The following GRIP2 variants were observed in gnomAD, a reference collection of about 807,000 sequenced individuals.
The protein encoded by GRIP2 is glutamate receptor interacting protein 2.
In GRIP2, 58 loss-of-function variants were observed where a neutral mutation model predicts 108.3. That is an observed-to-expected ratio of 0.54 (90% CI 0.43 to 0.67). The LOEUF is 0.67. Among genes scored for constraint, GRIP2 ranks in the 30% least tolerant of loss-of-function variants. GRIP2 has a pLI of 0.00. For missense variants in GRIP2, 1,278 were observed against 1,430.6 expected, an observed-to-expected ratio of 0.89 and a Z score of 1.72; for synonymous variants, 586 against 598.2, an observed-to-expected ratio of 0.98 and a Z score of 0.30.
At chr3:14,526,495 A>G (rs910144717) in intron 1 of GRIP2, among the ~76,000 whole-genome samples, 11 of 152,190 alleles carry the variant, frequency 7.2e-5, no homozygotes, top group African/African-American at 2.2e-4. Context: ...TGCACTTTAC[A>G]GTTTATGAAT....
At chr3:14,527,254 A>AGGGAG (rs1431423080) in intron 1 of GRIP2, among the ~76,000 whole-genome samples, 2 of 151,722 alleles carry the variant, frequency 1.3e-5, no homozygotes, top group Non-Finnish European at 2.9e-5. Flanking sequence ...AAGAAAGGGA[A>AGGGAG]GGGAAGGGAA....
chr3:14,594,786 T>A, the GRIP2 span, among the ~76,000 whole-genome samples: 1 of 152,222 alleles, frequency 6.6e-6, no homozygotes, highest in Non-Finnish European at 1.5e-5. Context: ...AGTTTCCTCA[T>A]CTGAAAAGTG....
At chr3:14,581,776 G>T in the GRIP2 span, among the ~76,000 whole-genome samples, 1 of 152,172 alleles carries the variant, frequency 6.6e-6, no homozygotes, top group Non-Finnish European at 1.5e-5. Context: ...GGTCTCTTTC[G>T]CACTTGGGCA....
At chr3:14,547,019 T>C (rs147701016), upstream of GRIP2, among the ~76,000 whole-genome samples, 2 of 152,230 alleles carry the variant, frequency 1.3e-5, no homozygotes, top group African/African-American at 4.8e-5. Context: ...CTTGAGAATG[T>C]TGGTAAAGGT....
Position 14,496,568 on chromosome 3 carries a change from G to A in GRIP2, c.2680-8C>T, listed in dbSNP as rs772168159. 6.3e-7 allele frequency: 1 copy of A among 1,591,014 alleles called. No individual in the cohort carries two copies. Among genetic ancestry groups the A allele is most frequent in the East Asian group, 2.3e-5 (1 of 44,352 alleles). ...GCCCGTCATGATGGATGCCTGCAAG[G>A]AACACGGCCTTTCTTTCAGATGCTT... On this transcript the variant is annotated splice_region_variant and splice_polypyrimidine_tract_variant and intron_variant, in intron 21 of 23. Coordinates refer to ENST00000621039, the MANE Select transcript of GRIP2 (RefSeq NM_001080423.4).
At chr3:14,586,434 G>A in the GRIP2 span, among the ~76,000 whole-genome samples, 2 of 152,232 alleles carry the variant, frequency 1.3e-5, no homozygotes, top group Non-Finnish European at 2.9e-5. Flanking sequence ...TGCAGGGCTG[G>A]GTGCCAGGGC....
At chr3:14,508,371 G>A (rs1485481796) in intron 17 of GRIP2, among the ~76,000 whole-genome samples, 4 of 152,236 alleles carry the variant, frequency 2.6e-5, no homozygotes, top group East Asian at 1.9e-4. Flanking sequence ...AGTACCTGTG[G>A]GGATGGGGCA....
chr3:14,518,323 C>T (rs1345974350), intron 9 of GRIP2, among the ~76,000 whole-genome samples: 1 of 152,218 alleles, frequency 6.6e-6, no homozygotes, highest in African/African-American at 2.4e-5. Context: ...GCAGCCCAGG[C>T]AGCCTCGGCC....
At chr3:14,602,741 G>A in the GRIP2 span, among the ~76,000 whole-genome samples, 1 of 151,880 alleles carries the variant, frequency 6.6e-6, no homozygotes, top group Admixed American at 6.5e-5. The surrounding 1 kb of genome is among the most constrained non-coding windows in gnomAD (Gnocchi z 4.7). Flanking sequence ...GTCCTGAGGT[G>A]ATCCTCCAGG....
chr3:14,540,597 G>A (rs530603987), upstream of GRIP2, among the ~76,000 whole-genome samples: 13 of 152,246 alleles, frequency 8.5e-5, no homozygotes, highest in East Asian at 2.3e-3. This position sits in a 1 kb window ranked among gnomAD's most constrained non-coding sequence, Gnocchi z 4.1. Flanking sequence ...CTCAGGCAGA[G>A]AGAGAGCCTG....
At chr3:14,549,080 G>C (rs1695102287) in intron 1 of GRIP2, among the ~76,000 whole-genome samples, 1 of 152,188 alleles carries the variant, frequency 6.6e-6, no homozygotes, top group Admixed American at 6.5e-5. Flanking sequence ...CTTGCTCACT[G>C]ATTTCAACCC....
chr3:14,528,930 G>A (rs995162869), intron 1 of GRIP2, among the ~76,000 whole-genome samples: 2 of 152,042 alleles, frequency 1.3e-5, no homozygotes. Flanking sequence ...GTAATAATGT[G>A]TGCTTTGAAA....
the GRIP2 span, among the ~76,000 whole-genome samples, chr3:14,586,483 G>A: frequency 1.1e-4 from 16 of 152,190 alleles, no homozygotes; most frequent in Admixed American, 9.2e-4. Context: ...GCCTAGGTTC[G>A]GGCAATGGTG....
the GRIP2 span, chr3:14,574,676 G>T: frequency 1.6e-6 from 1 of 631,384 alleles, no homozygotes; most frequent in East Asian, 3.4e-5. Flanking sequence ...CCGCCAGAAA[G>T]CTGGCTGGAG....
chr3:14,548,814 A>G (rs1414603728), intron 1 of GRIP2, among the ~76,000 whole-genome samples: 1 of 152,208 alleles, frequency 6.6e-6, no homozygotes, highest in Non-Finnish European at 1.5e-5. Context: ...AGACAGCCCA[A>G]CTAGGATGGG....
chr3:14,558,262 C>T (rs543096396), upstream of GRIP2, among the ~76,000 whole-genome samples: 6 of 152,332 alleles, frequency 3.9e-5, no homozygotes, highest in East Asian at 5.8e-4. Context: ...CAGACTAGGC[C>T]GCTGCCACAT....
At chr3:14,575,399 G>A in the GRIP2 span, among the ~76,000 whole-genome samples, 1 of 152,162 alleles carries the variant, frequency 6.6e-6, no homozygotes, top group Admixed American at 6.5e-5. Flanking sequence ...CACGTGGGGT[G>A]AGGAATCCAG....
At chr3:14,579,616 ACC>A in the GRIP2 span, among the ~76,000 whole-genome samples, 55 of 152,128 alleles carry the variant, frequency 3.6e-4, no homozygotes, top group Non-Finnish European at 5.7e-4. Flanking sequence ...AGAGTCTCCC[ACC>A]AAGATGAGAA....
At chr3:14,565,035 G>A in the GRIP2 span, among the ~76,000 whole-genome samples, 1 of 152,218 alleles carries the variant, frequency 6.6e-6, no homozygotes, top group Non-Finnish European at 1.5e-5. Context: ...CCGGGCACCC[G>A]AGCTCCAGTG....
Sources: allele counts gnomAD v4.1 joint callset (sites outside exome capture counted in the v4.1 genomes callset), GRCh38; gene constraint gnomAD v4.1.1; non-coding constraint Gnocchi (gnomAD v3.1); transcripts MANE v1.5; gene names NCBI Gene and HGNC (gene_info 2026-07-23, HGNC 2026-07-21).